The following CADM2 variants were observed in gnomAD, a reference collection of about 807,000 sequenced individuals.
The protein encoded by CADM2 is cell adhesion molecule 2.
CADM2 carries 12 observed loss-of-function variants against 49.8 expected under a neutral mutation model. The ratio of observed to expected loss-of-function variants is 0.24; its 90% CI spans 0.15 to 0.39. CADM2 has a LOEUF of 0.39. Among genes scored for constraint, CADM2 ranks in the 10% least tolerant of loss-of-function variants. The pLI is 1.00. For synonymous variants in CADM2, 214 were observed against 175.4 expected (o/e 1.22, Z -1.74); for missense variants, 378 against 492.3 (o/e 0.77, Z 2.20).
At chr3:85,973,589 T>C (rs912374525) in intron 8 of CADM2, among the ~76,000 whole-genome samples, 5 of 151,768 alleles carry the variant, frequency 3.3e-5, no homozygotes, top group African/African-American at 4.8e-5. Context: ...AGCTTTGAGT[T>C]ATAATCAGTG....
intron 1 of CADM2, among the ~76,000 whole-genome samples, chr3:85,181,816 T>C (rs1422677717): frequency 3.3e-5 from 5 of 150,552 alleles, no homozygotes; most frequent in Admixed American, 3.3e-4. Context: ...ATATTATATA[T>C]AGTTTTAATA....
intron 1 of CADM2, among the ~76,000 whole-genome samples, chr3:85,171,114 A>T (rs2040614295): frequency 6.6e-6 from 1 of 152,156 alleles, no homozygotes. Flanking sequence ...AAAAATGTTA[A>T]TTTTTTCTAA....
At chr3:85,359,666 A>ATATATATATATATT in intron 1 of CADM2, among the ~76,000 whole-genome samples, 6 of 26,550 alleles carry the variant, frequency 2.3e-4, no homozygotes, top group South Asian at 1.4e-3. Flanking sequence ...ATATATATAT[A>ATATATATATATATT]TTTTTTTTTT....
intron 1 of CADM2, among the ~76,000 whole-genome samples, chr3:85,231,686 G>A (rs958849134): frequency 2.0e-5 from 3 of 150,854 alleles, no homozygotes; most frequent in East Asian, 1.9e-4. Context: ...GGGGTAGGGG[G>A]AGTATTATTA....
chr3:85,811,741 A>G (rs2072889414), intron 3 of CADM2, among the ~76,000 whole-genome samples: 1 of 152,124 alleles, frequency 6.6e-6, no homozygotes, highest in Non-Finnish European at 1.5e-5. Flanking sequence ...GGGATGATGA[A>G]CTGGCTAGAC....
intron 7 of CADM2, among the ~76,000 whole-genome samples, chr3:85,948,256 A>G (rs900501777): frequency 6.6e-5 from 10 of 151,496 alleles, no homozygotes; most frequent in African/African-American, 2.2e-4. Flanking sequence ...AAATACTATG[A>G]TTATTTATGT....
chr3:85,451,045 A>G (rs2037727044), intron 1 of CADM2, among the ~76,000 whole-genome samples: 1 of 152,062 alleles, frequency 6.6e-6, no homozygotes, highest in African/African-American at 2.4e-5. Flanking sequence ...CTCTGCCCAT[A>G]AATCCTGACT....
rs547375587 is a variant in CADM2 at position 85,807,846 on chromosome 3, C to A, written c.238+5650C>A. On this transcript the variant is annotated intron_variant, in intron 3 of 9. Coordinates refer to ENST00000383699, the MANE Select transcript of CADM2 (RefSeq NM_001167675.2). Reference sequence around the variant, plus strand: ...AATATGTTATTTTTAACTGAGAAAACCCTTAGGCTATCATAAAAACATGCA... The same window carrying A: ...AATATGTTATTTTTAACTGAGAAAAACCTTAGGCTATCATAAAAACATGCA... Among the ~76,000 whole-genome samples, 20 of 152,122 alleles carry A rather than the reference C, an allele frequency of 1.3e-4. No individual in the cohort carries two copies. In the East Asian group the frequency reaches 3.7e-3, roughly 28 times the overall value.
intron 8 of CADM2, among the ~76,000 whole-genome samples, chr3:86,020,086 C>T (rs894049161): frequency 2.0e-5 from 3 of 151,930 alleles, no homozygotes; most frequent in African/African-American, 7.3e-5. Context: ...TGATGGACCG[C>T]TAGCAAGACT....
chr3:85,913,087 T>G (rs1000387465), intron 6 of CADM2, among the ~76,000 whole-genome samples: 11 of 152,158 alleles, frequency 7.2e-5, no homozygotes, highest in Admixed American at 7.2e-4. Flanking sequence ...GGGGCAGTGC[T>G]AAATGTTTTG....
At chr3:85,690,340 C>G (rs2066344190) in intron 1 of CADM2, among the ~76,000 whole-genome samples, 1 of 152,074 alleles carries the variant, frequency 6.6e-6, no homozygotes, top group Non-Finnish European at 1.5e-5. Flanking sequence ...TTAGACTTTA[C>G]TGTTTTGGAG....
intron 5 of CADM2, among the ~76,000 whole-genome samples, chr3:85,894,274 A>G (rs1225727510): frequency 2.0e-5 from 3 of 152,066 alleles, no homozygotes; most frequent in African/African-American, 7.2e-5. Context: ...GCATGTTCTC[A>G]CTCATATGTG....
At chr3:84,987,311 C>T (rs151017327) in intron 1 of CADM2, among the ~76,000 whole-genome samples, 21 of 152,046 alleles carry the variant, frequency 1.4e-4, no homozygotes, top group Non-Finnish European at 2.6e-4. Context: ...ACAAGGAACT[C>T]TTCCAGCCAA....
intron 1 of CADM2, among the ~76,000 whole-genome samples, chr3:85,447,187 A>C (rs927648053): frequency 3.3e-5 from 5 of 151,526 alleles, no homozygotes; most frequent in Non-Finnish European, 7.4e-5. Flanking sequence ...AAAGTGTCAA[A>C]TATTGGGGAC....
chr3:85,251,331 T>C (rs1288729011), intron 1 of CADM2, among the ~76,000 whole-genome samples: 1 of 151,878 alleles, frequency 6.6e-6, no homozygotes, highest in Non-Finnish European at 1.5e-5. Context: ...TTATGACATA[T>C]TCTGTGGTCT....
chr3:85,480,268 G>T lies in CADM2; in HGVS notation c.62-246254G>T, dbSNP rs907554471. ...CATTATAAATTTAGATTTTCCATAA[G>T]CTCCATAAGTTGTTTGTTTTATCAA... On this transcript the variant is annotated intron_variant, in intron 1 of 9. Transcript: ENST00000383699. 6.6e-5 allele frequency among the ~76,000 whole-genome samples: 10 copies of T among 151,822 alleles called. 1 individual carries two copies. In the South Asian group the frequency reaches 2.1e-3, roughly 32 times the overall value.
intron 1 of CADM2, among the ~76,000 whole-genome samples, chr3:85,148,120 A>C (rs1475362918): frequency 1.3e-5 from 2 of 152,206 alleles, no homozygotes; most frequent in Non-Finnish European, 2.9e-5. Context: ...AATGAATATC[A>C]CAGCGTGTAA....
chr3:85,612,287 T>TA (rs2063699947), intron 1 of CADM2, among the ~76,000 whole-genome samples: 1 of 151,938 alleles, frequency 6.6e-6, no homozygotes, highest in Admixed American at 6.6e-5. Flanking sequence ...TAGCCACACT[T>TA]AGCACTGTGC....
intron 1 of CADM2, among the ~76,000 whole-genome samples, chr3:85,020,446 C>T (rs191606033): frequency 2.6e-5 from 4 of 152,086 alleles, no homozygotes; most frequent in African/African-American, 9.6e-5. Context: ...ACATATCAAT[C>T]AAATTTGAAA....
Sources: allele counts gnomAD v4.1 joint callset (sites outside exome capture counted in the v4.1 genomes callset), GRCh38; gene constraint gnomAD v4.1.1; transcripts MANE v1.5; gene names NCBI Gene and HGNC (gene_info 2026-07-23, HGNC 2026-07-21).